RBFOX3: variants seen among roughly 807,000 people sequenced by gnomAD.
The protein encoded by RBFOX3 is RNA binding fox-1 homolog 3, also known as RNA binding protein fox-1 homolog 3.
RBFOX3 carries 17 observed loss-of-function variants against 48.7 expected under a neutral mutation model. The observed-to-expected ratio is 0.35, with a 90% confidence interval of 0.24 to 0.52. The LOEUF (loss-of-function observed/expected upper bound fraction) is 0.52. Among genes scored for constraint, RBFOX3 ranks in the 20% least tolerant of loss-of-function variants. The pLI, the probability that RBFOX3 is intolerant of heterozygous loss-of-function variation, is 0.94. For missense variants in RBFOX3, 382 were observed against 497.5 expected, an observed-to-expected ratio of 0.77 and a Z score of 2.21; for synonymous variants, 212 against 209.5, an observed-to-expected ratio of 1.01 and a Z score of -0.10.
chr17:79,395,928 C>T (rs1313039311), intron 2 of RBFOX3, among the ~76,000 whole-genome samples: 9 of 152,216 alleles, frequency 5.9e-5, no homozygotes, highest in Non-Finnish European at 1.3e-4. Flanking sequence ...CATCCCTCAC[C>T]CTTGGTCTGG....
Position 79,576,574 on chromosome 17 carries a change from A to G in RBFOX3, c.-320+34252T>C, listed in dbSNP as rs907776625. ...ATGATGGACATGATGGAGATGATGG[A>G]GAAGGTGGAGATCATGAAGAAGATG... On this transcript the variant is annotated intron_variant, in intron 1 of 14. Transcript: ENST00000693108. Among the ~76,000 whole-genome samples, 1,337 of 151,674 alleles carry G rather than the reference A, an allele frequency of 8.8e-3. 23 individuals carry two copies. The highest frequency in any genetic ancestry group is 0.031 in the African/African-American group (1,271 of 41,360).
intron 3 of RBFOX3, among the ~76,000 whole-genome samples, chr17:79,251,312 C>T (rs557051100): frequency 1.4e-4 from 22 of 152,300 alleles, no homozygotes; most frequent in African/African-American, 4.6e-4. Context: ...CGTCACTCAA[C>T]GTGTGGGACA....
At chr17:79,330,294 T>A (rs1215155792) in intron 2 of RBFOX3, among the ~76,000 whole-genome samples, 1 of 152,148 alleles carries the variant, frequency 6.6e-6, no homozygotes, top group Non-Finnish European at 1.5e-5. Flanking sequence ...GTTTGGGGTA[T>A]CATGCTGGTT....
At chr17:79,216,235 C>G (rs565546017) in intron 4 of RBFOX3, among the ~76,000 whole-genome samples, 1 of 152,224 alleles carries the variant, frequency 6.6e-6, no homozygotes, top group African/African-American at 2.4e-5. Flanking sequence ...GTAGGTGAGG[C>G]GAGCTGAGAC....
At position 79,103,941 on chromosome 17, in the gene RBFOX3, G is replaced by T; in HGVS notation, c.414+132C>A. On this transcript the variant is annotated intron_variant, in intron 7 of 14. Transcript: ENST00000693108. The surrounding 1 kb of genome is among the most constrained non-coding windows in gnomAD (Gnocchi z 6.1). ...GGGCGGGTGGGGGCGGAAGAGCGGG[G>T]AATACAAGCACCCGTGTCGCTCAGG... 1.4e-6 allele frequency: 1 copy of T among 728,702 alleles called. No individual in the cohort carries two copies. The highest frequency in any genetic ancestry group is 1.7e-5 in the African/African-American group (1 of 57,160). The allele number at this position is 728,702 out of a possible 1,614,324, so 45.1% of individuals were successfully genotyped here.
chr17:79,257,225 G>C (rs1052606191), intron 3 of RBFOX3, among the ~76,000 whole-genome samples: 1 of 152,218 alleles, frequency 6.6e-6, no homozygotes, highest in African/African-American at 2.4e-5. Context: ...GCCAGCAGGT[G>C]CTCTGAGCAG....
chr17:79,114,601 G>A (rs1211681215), intron 5 of RBFOX3, among the ~76,000 whole-genome samples: 1 of 152,246 alleles, frequency 6.6e-6, no homozygotes, highest in East Asian at 1.9e-4. Context: ...AGGCAGTCGG[G>A]AGGGGGACCC....
At position 79,187,975 on chromosome 17, in the gene RBFOX3, G is replaced by C. The variant is rs571537878; in HGVS notation, c.-34+47791C>G. 5.1e-4 allele frequency among the ~76,000 whole-genome samples: 77 copies of C among 152,328 alleles called. 1 individual carries two copies. Among genetic ancestry groups the C allele is most frequent in the African/African-American group, 1.7e-3 (72 of 41,574 alleles). ...TGTAGAAATTCTCACATTCCCAGAGGAGGCGGCTTCCTTATATCAGGAGTC... is the reference window on the plus strand; with the variant it reads ...TGTAGAAATTCTCACATTCCCAGAGCAGGCGGCTTCCTTATATCAGGAGTC... On this transcript the variant is annotated intron_variant, in intron 4 of 14. Transcript: ENST00000693108.
intron 2 of RBFOX3, among the ~76,000 whole-genome samples, chr17:79,309,694 C>T (rs887196512): frequency 2.6e-5 from 4 of 152,124 alleles, no homozygotes; most frequent in African/African-American, 9.7e-5. Flanking sequence ...GAGGGAGGGA[C>T]CTGGTGGGAG....
At chr17:79,097,180 C>CA (rs928996672) in intron 11 of RBFOX3, 112 bp downstream of exon 11, 37 of 910,990 alleles carry the variant, frequency 4.1e-5, no homozygotes, top group Admixed American at 9.5e-5. Flanking sequence ...TCCTCCCCCC[C>CA]CCCAGGTCTG....
intron 2 of RBFOX3, among the ~76,000 whole-genome samples, chr17:79,412,952 C>T (rs923502347): frequency 9.2e-5 from 14 of 152,102 alleles, no homozygotes; most frequent in African/African-American, 2.7e-4. Context: ...ACCCTGAGCC[C>T]CTCTCTGTTC....
At chr17:79,512,829 G>A (rs550386339) in intron 1 of RBFOX3, among the ~76,000 whole-genome samples, 851 of 105,122 alleles carry the variant, frequency 8.1e-3, no homozygotes, top group African/African-American at 0.03. Context: ...ACCCGGATAC[G>A]TGTTACCATC....
chr17:79,656,887 AGGAAGGAG>A, the RBFOX3 span, among the ~76,000 whole-genome samples: 1,074 of 134,056 alleles, frequency 8.0e-3, 19 homozygotes, highest in Middle Eastern at 0.038. Context: ...GAAGGAAGGA[AGGAAGGAG>A]GGAAGGAAGG....
intron 2 of RBFOX3, among the ~76,000 whole-genome samples, chr17:79,419,676 C>A (rs782456731): frequency 1.9e-4 from 29 of 152,220 alleles, no homozygotes; most frequent in Non-Finnish European, 3.8e-4. Flanking sequence ...CAGTCCCCCT[C>A]ACAATGTGGT....
At chr17:79,567,079 TCCTTCC>T (rs1166935137) in intron 1 of RBFOX3, among the ~76,000 whole-genome samples, 2 of 151,972 alleles carry the variant, frequency 1.3e-5, no homozygotes, top group Non-Finnish European at 2.9e-5. Flanking sequence ...CTTCCCGTTC[TCCTTCC>T]CAGCCTCAGA....
intron 2 of RBFOX3, among the ~76,000 whole-genome samples, chr17:79,341,722 C>G (rs1203798482): frequency 6.8e-6 from 1 of 147,938 alleles, no homozygotes; most frequent in Admixed American, 6.6e-5. Flanking sequence ...CTCCCTTGCT[C>G]CCTTTCTGAG....
chr17:79,220,853 G>A lies in RBFOX3; in HGVS notation c.-34+14913C>T, dbSNP rs1347878269. 1.3e-5 allele frequency among the ~76,000 whole-genome samples: 2 copies of A among 152,074 alleles called. No homozygotes were observed. Among genetic ancestry groups the A allele is most frequent in the African/African-American group, 4.8e-5 (2 of 41,416 alleles). ...GGCGGGGCGGCTCTCCAGGCCTGGA[G>A]CGTGGGCCAATCAGAGACGAGGCGC... On this transcript the variant is annotated intron_variant, in intron 4 of 14. Transcript: ENST00000693108. This position sits in a 1 kb window ranked among gnomAD's most constrained non-coding sequence, Gnocchi z 5.9.
intron 4 of RBFOX3, among the ~76,000 whole-genome samples, chr17:79,179,914 ACCCTTCAGGGAGCTAG>A (rs2051496036): frequency 6.6e-6 from 1 of 152,174 alleles, no homozygotes; most frequent in Non-Finnish European, 1.5e-5. Flanking sequence ...GCACGGGGCT[ACCCTTCAGGGAGCTAG>A]GCCGGCGCCC....
At position 79,320,695 on chromosome 17, in the gene RBFOX3, T is replaced by G. The variant is rs78724171; in HGVS notation, c.-174-12871A>C. Among the ~76,000 whole-genome samples the G allele has an allele frequency of 3.1e-3, 472 of 151,578 alleles. 1 individual carries two copies. Among genetic ancestry groups the G allele is most frequent in the African/African-American group, 0.011 (458 of 41,294 alleles). On this transcript the variant is annotated intron_variant, in intron 2 of 14. Coordinates refer to ENST00000693108, the MANE Select transcript of RBFOX3 (RefSeq NM_001350451.2). ...CTCACCACCCTCTGGGCGTTGCCAA[T>G]AGAGCCCTCAACTAAAACCAGGCAC...
Sources: allele counts gnomAD v4.1 joint callset (sites outside exome capture counted in the v4.1 genomes callset), GRCh38; gene constraint gnomAD v4.1.1; non-coding constraint Gnocchi (gnomAD v3.1); transcripts MANE v1.5; gene names NCBI Gene and HGNC (gene_info 2026-07-23, HGNC 2026-07-21).